Variants in COL24A1 observed in about 807,000 individuals in gnomAD.
COL24A1 encodes collagen type XXIV alpha 1 chain.
Under a neutral mutation model 253.9 loss-of-function variants are expected in COL24A1, and 224 were observed. The observed-to-expected ratio is 0.88, with a 90% confidence interval of 0.79 to 0.99. The LOEUF is 0.99. Among genes scored for constraint, COL24A1 ranks in the 50% least tolerant of loss-of-function variants. The probability of loss-of-function intolerance (pLI) is 0.00; values close to 1 mark genes in which losing one functional copy is unlikely to be tolerated. For missense variants in COL24A1, 2,131 were observed against 2,068.5 expected (o/e 1.03, Z -0.59); for synonymous variants, 685 against 673.7 (o/e 1.02, Z -0.26).
intron 32 of COL24A1, among the ~76,000 whole-genome samples, chr1:85,888,314 G>A (rs1267666813): frequency 6.6e-6 from 1 of 151,948 alleles, no homozygotes; most frequent in African/African-American, 2.4e-5. Flanking sequence ...TGATAATAAA[G>A]CTAGCCCGAG....
chr1:86,009,688 G>A (rs1696318570), intron 19 of COL24A1, among the ~76,000 whole-genome samples: 1 of 152,180 alleles, frequency 6.6e-6, no homozygotes, highest in African/African-American at 2.4e-5. Flanking sequence ...TAAGTCAGTA[G>A]TGAGTGAATG....
intron 37 of COL24A1, among the ~76,000 whole-genome samples, chr1:85,851,835 A>G (rs866155362): frequency 4.6e-5 from 7 of 152,134 alleles, no homozygotes; most frequent in Admixed American, 2.0e-4. Flanking sequence ...ATATATCACA[A>G]ATCTCTTCTC....
intron 7 of COL24A1, among the ~76,000 whole-genome samples, chr1:86,073,948 C>G (rs762281317): frequency 5.3e-5 from 8 of 151,730 alleles, no homozygotes; most frequent in Non-Finnish European, 1.0e-4. Context: ...CCAGGCCTGC[C>G]TTACAAGGAG....
At chr1:85,763,570 C>T (rs1234267325) in intron 53 of COL24A1, among the ~76,000 whole-genome samples, 3 of 146,666 alleles carry the variant, frequency 2.0e-5, no homozygotes, top group African/African-American at 7.5e-5. Context: ...CGGCTCACTG[C>T]AATCTCTGCC....
intron 24 of COL24A1, among the ~76,000 whole-genome samples, chr1:85,947,941 GTATTTCTT>G (rs376588834): frequency 0.89 from 134,816 of 152,208 alleles, 59,751 homozygotes; most frequent in Admixed American, 0.9. Flanking sequence ...TCAGGCCATT[GTATTTCTT>G]TGAAATACAT....
chr1:86,025,808 T>C (rs74415151), intron 14 of COL24A1, among the ~76,000 whole-genome samples: 13,219 of 152,250 alleles, frequency 0.087, 702 homozygotes, highest in Middle Eastern at 0.19. Flanking sequence ...CATTCATTTT[T>C]CCCCATCTTC....
At chr1:85,887,648 G>A (rs1002958025) in intron 32 of COL24A1, among the ~76,000 whole-genome samples, 18 of 152,120 alleles carry the variant, frequency 1.2e-4, no homozygotes, top group Admixed American at 3.9e-4. Flanking sequence ...TAACTGGACT[G>A]AGGGCTGTAG....
At chr1:85,995,309 C>T (rs548278919) in intron 19 of COL24A1, among the ~76,000 whole-genome samples, 5 of 151,698 alleles carry the variant, frequency 3.3e-5, no homozygotes, top group Admixed American at 6.6e-5. Context: ...TGGTCTTGAA[C>T]TTCTGGCCTC....
At chr1:85,945,918 T>A (rs938810228) in intron 24 of COL24A1, among the ~76,000 whole-genome samples, 1 of 152,140 alleles carries the variant, frequency 6.6e-6, no homozygotes, top group Non-Finnish European at 1.5e-5. Flanking sequence ...CAAAAAGAGT[T>A]AAGAGAGCAG....
chr1:86,124,811 C>T, intron 3 of COL24A1, 34 bp downstream of exon 3: 5 of 1,450,316 alleles, frequency 3.4e-6, no homozygotes, highest in Non-Finnish European at 4.6e-6. Flanking sequence ...TGTAAGTTAG[C>T]ATATTAGGAG....
intron 22 of COL24A1, among the ~76,000 whole-genome samples, chr1:85,965,936 A>C (rs1173979463): frequency 6.6e-6 from 1 of 152,136 alleles, no homozygotes; most frequent in East Asian, 1.9e-4. Flanking sequence ...TGCAGTTAGG[A>C]CTTTGACTTT....
chr1:86,109,753 T>A (rs1705348792), intron 5 of COL24A1, among the ~76,000 whole-genome samples: 1 of 152,360 alleles, frequency 6.6e-6, no homozygotes, highest in East Asian at 1.9e-4. Context: ...ATCACTCATA[T>A]GCACACTTTT....
chr1:85,758,924 A>G (rs1471471787), intron 55 of COL24A1, among the ~76,000 whole-genome samples: 2 of 152,138 alleles, frequency 1.3e-5, no homozygotes, highest in African/African-American at 4.8e-5. Flanking sequence ...AACCACTACC[A>G]TGATAGAATT....
chr1:86,087,229 C>T (rs1414123896), intron 7 of COL24A1, among the ~76,000 whole-genome samples: 1 of 151,906 alleles, frequency 6.6e-6, no homozygotes, highest in African/African-American at 2.4e-5. Flanking sequence ...ATTCATGGCC[C>T]AGTATGTTTA....
At chr1:86,054,021 C>T (rs1004985999) in intron 10 of COL24A1, among the ~76,000 whole-genome samples, 13 of 151,930 alleles carry the variant, frequency 8.6e-5, no homozygotes, top group South Asian at 2.1e-4. Context: ...TCGACAAAGT[C>T]GGCAAAAATA....
chr1:86,091,985 G>A (rs766363600), intron 6 of COL24A1, among the ~76,000 whole-genome samples: 11 of 152,074 alleles, frequency 7.2e-5, no homozygotes, highest in African/African-American at 9.7e-5. Flanking sequence ...ACCACATCCT[G>A]TTGTAATTTT....
intron 20 of COL24A1, among the ~76,000 whole-genome samples, chr1:85,985,021 C>T (rs1180451878): frequency 6.6e-6 from 1 of 151,748 alleles, no homozygotes; most frequent in East Asian, 1.9e-4. Context: ...ATGTGCTATC[C>T]ATATTATAGT....
At chr1:86,009,593 A>AT (rs1317676401) in intron 19 of COL24A1, among the ~76,000 whole-genome samples, 2 of 152,216 alleles carry the variant, frequency 1.3e-5, no homozygotes, top group Admixed American at 1.3e-4. Flanking sequence ...AAAATGTAGT[A>AT]TAAAAGATAA....
intron 59 of COL24A1, among the ~76,000 whole-genome samples, chr1:85,733,375 C>T (rs1663708657): frequency 6.6e-6 from 1 of 152,164 alleles, no homozygotes; most frequent in African/African-American, 2.4e-5. Flanking sequence ...CCTGCAGTCT[C>T]TGTCATACTT....
Sources: allele counts gnomAD v4.1 joint callset (sites outside exome capture counted in the v4.1 genomes callset), GRCh38; gene constraint gnomAD v4.1.1; transcripts MANE v1.5; gene names NCBI Gene and HGNC (gene_info 2026-07-23, HGNC 2026-07-21).